MACC1: variants seen among roughly 807,000 people sequenced by gnomAD.
MACC1 encodes the protein metastasis-associated in colon cancer protein 1.
A neutral mutation model predicts 70.7 loss-of-function variants in MACC1; 79 were observed. The ratio of observed to expected loss-of-function variants is 1.12; its 90% confidence interval spans 0.93 to 1.35. MACC1 has a LOEUF of 1.35. Among genes scored for constraint, MACC1 ranks in the 40% most tolerant of loss-of-function variants. The pLI is 0.00. For missense variants in MACC1, 1,106 were observed against 978.1 expected (o/e 1.13, Z -1.74); for synonymous variants, 361 against 347.2 (o/e 1.04, Z -0.44).
At chr7:20,173,645 TG>T (rs1782346408) in intron 1 of MACC1, among the ~76,000 whole-genome samples, 1 of 152,224 alleles carries the variant, frequency 6.6e-6, no homozygotes, top group South Asian at 2.1e-4. Context: ...CATAAAATTG[TG>T]TGTTTGCCTA....
At chr7:20,189,350 G>T (rs1374597491) in intron 1 of MACC1, among the ~76,000 whole-genome samples, 1 of 152,048 alleles carries the variant, frequency 6.6e-6, no homozygotes, top group African/African-American at 2.4e-5. Flanking sequence ...TATCTGTTTT[G>T]TTCACTCTTG....
intron 2 of MACC1, among the ~76,000 whole-genome samples, chr7:20,170,008 T>C (rs1782279668): frequency 6.6e-6 from 1 of 152,222 alleles, no homozygotes; most frequent in South Asian, 2.1e-4. Context: ...AGCTTACAAG[T>C]TGTGTCTTGG....
chr7:20,181,307 C>T (rs763445575), intron 1 of MACC1, among the ~76,000 whole-genome samples: 1 of 151,802 alleles, frequency 6.6e-6, no homozygotes, highest in Non-Finnish European at 1.5e-5. Flanking sequence ...GTCTTTGTAA[C>T]AAGCATTATA....
intron 6 of MACC1, among the ~76,000 whole-genome samples, chr7:20,149,551 T>C (rs1781944342): frequency 6.6e-6 from 1 of 152,192 alleles, no homozygotes; most frequent in Non-Finnish European, 1.5e-5. Context: ...TGAGGGCTGA[T>C]AGATGGTAGA....
intron 2 of MACC1, among the ~76,000 whole-genome samples, chr7:20,166,651 A>T (rs777085856): frequency 1.3e-5 from 2 of 152,234 alleles, no homozygotes; most frequent in Non-Finnish European, 2.9e-5. Context: ...GTTTCAGAAG[A>T]TTCTCCAGGG....
chr7:20,184,663 C>T (rs958507679), intron 1 of MACC1, among the ~76,000 whole-genome samples: 1 of 152,108 alleles, frequency 6.6e-6, no homozygotes, highest in Non-Finnish European at 1.5e-5. Flanking sequence ...AATTCAGCTC[C>T]TTGTATGTTA....
rs755367513 is a variant in MACC1, at chr7:20,158,726, A to C, written c.1635T>G (p.Asp545Glu). The C allele has an allele frequency of 1.9e-6, 3 of 1,613,810 alleles. No individual in the cohort carries two copies. The highest frequency in any genetic ancestry group is 2.7e-5 in the African/African-American group (2 of 74,932). The change falls in exon 5 of 7, where the codon GAT becomes GAG. Residue 545 changes from aspartate (D) to glutamate (E), a missense_variant. By Grantham distance (45) the Asp-to-Glu change is conservative. Transcript: ENST00000400331. ...KILVKYPTFQ[D>E]KTLNFSNYGV... ...CATAGTTGCTAAAGTTCAATGTTTT[A>C]TCTTGAAATGTAGGATATTTAACAA...
rs764775613 is a variant in MACC1 at position 20,179,992 on chromosome 7, T to G, written c.-217-9214A>C. Among the ~76,000 whole-genome samples the G allele has an allele frequency of 2.0e-5, 3 of 152,336 alleles. No homozygotes were observed. In the East Asian group the frequency reaches 5.8e-4, roughly 29 times the overall value. On this transcript the variant is annotated intron_variant, in intron 1 of 6. Coordinates refer to ENST00000400331, the MANE Select transcript of MACC1 (RefSeq NM_182762.4). ...TTTCTATTTTACTATGAGCTGTTTA[T>G]TGATATTTTTAGGAGAGATAAAAGA...
intron 6 of MACC1, among the ~76,000 whole-genome samples, chr7:20,145,755 A>G (rs1031226698): frequency 1.3e-5 from 2 of 152,232 alleles, no homozygotes; most frequent in African/African-American, 4.8e-5. Context: ...TAGAGGGGCA[A>G]GTATCATGAG....
intron 5 of MACC1, among the ~76,000 whole-genome samples, chr7:20,157,185 T>C (rs962468672): frequency 1.3e-5 from 2 of 152,220 alleles, no homozygotes; most frequent in African/African-American, 4.8e-5. Flanking sequence ...AATGGCTAAA[T>C]AAGCACTAGA....
intron 1 of MACC1, among the ~76,000 whole-genome samples, chr7:20,209,554 A>G (rs1301554522): frequency 3.9e-5 from 6 of 152,190 alleles, no homozygotes. Context: ...CTGTACTTCC[A>G]TTGTATCTAG....
chr7:20,168,056 A>T lies in MACC1; in HGVS notation c.-153+2658T>A, dbSNP rs567482720. ...TGGATGAAGAATGCTCATCTTACAGATGATGAACCAAGCTGCAGAGAGGTT... is the reference window on the plus strand; with the variant it reads ...TGGATGAAGAATGCTCATCTTACAGTTGATGAACCAAGCTGCAGAGAGGTT... On this transcript the variant is annotated intron_variant, in intron 2 of 6. Transcript: ENST00000400331. Among the ~76,000 whole-genome samples the T allele has an allele frequency of 3.9e-5, 6 of 152,336 alleles. No homozygotes were observed. In the East Asian group the frequency reaches 1.2e-3, roughly 29 times the overall value.
At chr7:20,217,231 A>G (rs972861945) in intron 1 of MACC1, 68 bp downstream of exon 1, 2 of 152,232 alleles carry the variant, frequency 1.3e-5, no homozygotes, top group Admixed American at 6.5e-5. Flanking sequence ...TGGAAATTAT[A>G]CAACTTCCTA....
At chr7:20,199,967 T>C (rs1465380764) in intron 1 of MACC1, among the ~76,000 whole-genome samples, 1 of 151,966 alleles carries the variant, frequency 6.6e-6, no homozygotes, top group Admixed American at 6.6e-5. Flanking sequence ...ATTAGCCAAA[T>C]CCTATACAAT....
chr7:20,204,008 T>C (rs951554276), intron 1 of MACC1, among the ~76,000 whole-genome samples: 5 of 152,210 alleles, frequency 3.3e-5, no homozygotes, highest in Non-Finnish European at 7.3e-5. Flanking sequence ...AAATAGAAGT[T>C]ACATGTATGT....
At chr7:20,180,841 C>G (rs1782492624) in intron 1 of MACC1, among the ~76,000 whole-genome samples, 2 of 152,034 alleles carry the variant, frequency 1.3e-5, no homozygotes, top group African/African-American at 4.8e-5. Flanking sequence ...GATGAGCCTG[C>G]ATCTCAAATA....
chr7:20,189,635 C>T (rs1178656058), intron 1 of MACC1, among the ~76,000 whole-genome samples: 1 of 151,964 alleles, frequency 6.6e-6, no homozygotes, highest in Non-Finnish European at 1.5e-5. Context: ...GAAAGCATAA[C>T]CAAGAAGTAA....
intron 1 of MACC1, among the ~76,000 whole-genome samples, chr7:20,211,463 G>T (rs888282602): frequency 6.6e-6 from 1 of 152,060 alleles, no homozygotes; most frequent in African/African-American, 2.4e-5. Context: ...AATCTCTAAC[G>T]CCATAGGTTG....
At chr7:20,193,760 G>T (rs1221219141) in intron 1 of MACC1, among the ~76,000 whole-genome samples, 1 of 149,282 alleles carries the variant, frequency 6.7e-6, no homozygotes, top group Non-Finnish European at 1.5e-5. Flanking sequence ...TCTTGGGGAA[G>T]TTTGGCCTCT....
Sources: allele counts gnomAD v4.1 joint callset (sites outside exome capture counted in the v4.1 genomes callset), GRCh38; gene constraint gnomAD v4.1.1; transcripts MANE v1.5; gene names NCBI Gene and HGNC (gene_info 2026-07-23, HGNC 2026-07-21).